Variants in SLC12A3 observed in about 807,000 individuals in gnomAD.
The protein encoded by SLC12A3 is solute carrier family 12 member 3, also known as Na-Cl cotransporter.
SLC12A3 carries 104 observed loss-of-function variants against 121.0 expected under a neutral mutation model. The ratio of observed to expected loss-of-function variants is 0.86; its 90% confidence interval spans 0.73 to 1.01. The LOEUF is 1.01. Among genes scored for constraint, SLC12A3 ranks in the 50% least tolerant of loss-of-function variants. The pLI is 0.00. For missense variants in SLC12A3, 1,328 were observed against 1,356.3 expected, an observed-to-expected ratio of 0.98 and a Z score of 0.33; for synonymous variants, 536 against 533.4, an observed-to-expected ratio of 1.00 and a Z score of -0.07.
At chr16:56,882,619 A>G in intron 13 of SLC12A3, 122 bp downstream of exon 13, 1 of 766,586 alleles carries the variant, frequency 1.3e-6, no homozygotes, top group Non-Finnish European at 2.4e-6. Context: ...CTCAATTTAA[A>G]ACCATTGAAA....
At chr16:56,882,534 C>A (rs778202935) in intron 13 of SLC12A3, 37 bp downstream of exon 13, 17 of 1,531,816 alleles carry the variant, frequency 1.1e-5, no homozygotes, top group Non-Finnish European at 1.4e-5. Context: ...GAGGAGGCAC[C>A]CAGGGGGCAG....
At chr16:56,869,917 C>T in intron 4 of SLC12A3, 93 bp downstream of exon 4, 3 of 1,381,396 alleles carry the variant, frequency 2.2e-6, no homozygotes, top group Middle Eastern at 3.6e-4. Context: ...ATGGTACACC[C>T]AGCCGCTCCT....
At chr16:56,901,431 C>T (rs2055537745) in intron 23 of SLC12A3, among the ~76,000 whole-genome samples, 1 of 151,072 alleles carries the variant, frequency 6.6e-6, no homozygotes, top group African/African-American at 2.5e-5. Flanking sequence ...CTTCCACATC[C>T]CAGGTTCAAG....
At chr16:56,906,018 G>A (rs2055603930) in intron 25 of SLC12A3, among the ~76,000 whole-genome samples, 1 of 152,056 alleles carries the variant, frequency 6.6e-6, no homozygotes, top group African/African-American at 2.4e-5. Context: ...GTTCTAGGAA[G>A]ATGTGCTCAG....
At chr16:56,905,998 G>A (rs1230492148) in intron 25 of SLC12A3, among the ~76,000 whole-genome samples, 14 of 152,078 alleles carry the variant, frequency 9.2e-5, no homozygotes, top group Non-Finnish European at 1.5e-5. Flanking sequence ...AAAACCTAGC[G>A]CCACACACTG....
intron 12 of SLC12A3, among the ~76,000 whole-genome samples, chr16:56,882,005 C>T (rs1477013731): frequency 3.3e-5 from 5 of 150,558 alleles, no homozygotes; most frequent in East Asian, 3.9e-4. Flanking sequence ...GCCGAGATCA[C>T]GCCACTGCAC....
intron 25 of SLC12A3, chr16:56,906,396 T>C (rs1172262951): frequency 6.5e-6 from 1 of 152,864 alleles, no homozygotes; most frequent in Admixed American, 6.5e-5. Flanking sequence ...AGGATACGCA[T>C]CCTCCTAGGT....
At chr16:56,912,534 G>A (rs578190901) in intron 25 of SLC12A3, among the ~76,000 whole-genome samples, 6 of 152,286 alleles carry the variant, frequency 3.9e-5, no homozygotes, top group African/African-American at 1.2e-4. Flanking sequence ...GCCACAGGCT[G>A]GCACAGGGCT....
chr16:56,885,930 A>C (rs2055304993), intron 15 of SLC12A3, among the ~76,000 whole-genome samples: 15 of 152,212 alleles, frequency 9.9e-5, no homozygotes, highest in Admixed American at 9.8e-4. Flanking sequence ...CACAGCTGGC[A>C]AGTGGCCGAT....
In SLC12A3 at chr16:56,913,466, T is replaced by A. The variant is rs2055714341; in HGVS notation, c.*61T>A. On this transcript the variant is annotated 3_prime_UTR_variant, in exon 26 of 26. Coordinates refer to ENST00000563236, the MANE Select transcript of SLC12A3 (RefSeq NM_001126108.2). ...TGTGTGGGATAAGTTGGAACTTGAT[T>A]GCCTCTAGTCCACAGGGATGAGACT... 2 of 1,521,872 alleles carry A rather than the reference T, an allele frequency of 1.3e-6. No individual in the cohort carries two copies. The highest frequency in any genetic ancestry group is 1.8e-6 in the Non-Finnish European group (2 of 1,095,976). 94.3% of individuals were successfully genotyped at this position (1,521,872 alleles called of 1,614,324 possible). A position where few individuals can be genotyped will look rare whatever the true frequency, so the allele number is the denominator to read the frequency against.
Position 56,887,953 on chromosome 16 carries a change from A to C in SLC12A3, c.2207A>C (p.Asn736Thr), listed in dbSNP as rs1424832490. 6.2e-7 allele frequency: 1 copy of C among 1,613,244 alleles called. No individual in the cohort carries two copies. Among genetic ancestry groups the C allele is most frequent in the Admixed American group, 1.7e-5 (1 of 59,970 alleles). Residue 736 changes from asparagine (N) to threonine (T), a missense_variant, in exon 18 of 26, where the codon AAC becomes ACC. Physicochemically the swap from Asn to Thr is moderately conservative, Grantham distance 65. Transcript: ENST00000563236. ...GCAGGTCTCGGGAGAATGAAGCCCAACATTCTGGTGGTTGGGTTCAAGAAG... is the reference window on the plus strand; with the variant it reads ...GCAGGTCTCGGGAGAATGAAGCCCACCATTCTGGTGGTTGGGTTCAAGAAG... ...QAAGLGRMKP[N>T]ILVVGFKKNW...
chr16:56,881,753 CA>C (rs2055242952), intron 12 of SLC12A3, among the ~76,000 whole-genome samples: 1 of 151,948 alleles, frequency 6.6e-6, no homozygotes, highest in Non-Finnish European at 1.5e-5. Context: ...GGCCACATTG[CA>C]AAATGTATTT....
intron 21 of SLC12A3, among the ~76,000 whole-genome samples, chr16:56,893,891 C>G (rs552132249): frequency 2.0e-5 from 3 of 152,230 alleles, no homozygotes; most frequent in East Asian, 3.9e-4. Flanking sequence ...GATTCTCCTG[C>G]CTCAGCCTCC....
At chr16:56,881,205 C>T (rs79466980) in intron 12 of SLC12A3, among the ~76,000 whole-genome samples, 11 of 152,310 alleles carry the variant, frequency 7.2e-5, no homozygotes, top group Non-Finnish European at 1.2e-4. Context: ...GAATCCATGC[C>T]GTTCAGGCTG....
chr16:56,869,735 C>G lies in SLC12A3; in HGVS notation c.512C>G (p.Thr171Ser). 1.2e-6 allele frequency: 2 copies of G among 1,614,106 alleles called. No individual in the cohort carries two copies. Among genetic ancestry groups the G allele is most frequent in the Non-Finnish European group, 1.7e-6 (2 of 1,179,984 alleles). ...CTTTGGGTGCCCCCTGCAGTCCTGA[C>G]CTGGATCATCATCCTGCTGTCGGTC... is the stretch of plus-strand genomic sequence containing the variant. ...WITAQAGIVL[T>S]WIIILLSVTV... The change falls in exon 4 of 26, where the codon ACC becomes AGC. Residue 171 changes from threonine to serine, a missense_variant. Thr to Ser is a moderately conservative substitution (Grantham distance 58). Coordinates refer to ENST00000563236, the MANE Select transcript of SLC12A3 (RefSeq NM_001126108.2).
In SLC12A3 at chr16:56,879,585, G is replaced by C; in HGVS notation, c.1379G>C (p.Gly460Ala). 1.2e-6 allele frequency: 2 copies of C among 1,613,758 alleles called. No homozygotes were observed. The highest frequency in any genetic ancestry group is 4.5e-5 in the East Asian group (2 of 44,870). ...GGCTTCGCGCCCCTGATCACGGCTG[G>C]CATCTTCGGGGCCACCCTCTCCTCT... ...VSGFAPLITA[G>A]IFGATLSSAL... The change falls in exon 11 of 26, where the codon GGC becomes GCC. Residue 460 changes from glycine to alanine, a missense_variant. By Grantham distance (60) the Gly-to-Ala change is moderately conservative (BLOSUM62 0). Coordinates refer to ENST00000563236, the MANE Select transcript of SLC12A3 (RefSeq NM_001126108.2).
chr16:56,890,159 A>G, intron 18 of SLC12A3, 115 bp from the exon 19 acceptor site: 1 of 797,392 alleles, frequency 1.3e-6, no homozygotes, highest in African/African-American at 1.7e-5. Context: ...CCCAGAGAAC[A>G]GAAAGGGCGT....
At chr16:56,898,074 G>A (rs1183153520) in intron 22 of SLC12A3, among the ~76,000 whole-genome samples, 1 of 152,068 alleles carries the variant, frequency 6.6e-6, no homozygotes, top group Non-Finnish European at 1.5e-5. Context: ...GCACCCCGAT[G>A]CCTTCCCTCC....
intron 18 of SLC12A3, among the ~76,000 whole-genome samples, chr16:56,889,823 T>A (rs2055365565): frequency 6.6e-6 from 1 of 152,224 alleles, no homozygotes; most frequent in African/African-American, 2.4e-5. Flanking sequence ...GCTCCTCTCA[T>A]GAGCATGTCT....
Sources: gnomAD v4.1 joint callset for allele counts (sites outside exome capture counted in the v4.1 genomes callset) on GRCh38, gnomAD v4.1.1 for gene constraint, MANE v1.5 for transcripts, NCBI Gene and HGNC (gene_info 2026-07-23, HGNC 2026-07-21) for gene names.